LGR4: variants seen among roughly 807,000 people sequenced by gnomAD.
LGR4 encodes leucine-rich repeat-containing G protein-coupled receptor 4.
A neutral mutation model predicts 84.8 loss-of-function variants in LGR4; 44 were observed. The ratio of observed to expected loss-of-function variants is 0.52; its 90% confidence interval spans 0.41 to 0.67. The LOEUF is 0.67. Ranked by LOEUF, LGR4 falls within the 30% of genes least tolerant of loss-of-function variation. The pLI, the probability that LGR4 is intolerant of heterozygous loss-of-function variation, is 0.00. For synonymous variants in LGR4, 429 were observed against 434.3 expected, an observed-to-expected ratio of 0.99 and a Z score of 0.15; for missense variants, 1,032 against 1,131.4, an observed-to-expected ratio of 0.91 and a Z score of 1.26.
At chr11:27,380,395 TTTTA>T in intron 9 of LGR4, 56 bp from the exon 10 acceptor site, 1 of 1,269,278 alleles carries the variant, frequency 7.9e-7, no homozygotes, top group East Asian at 2.3e-5. Context: ...ATATTTTATG[TTTTA>T]AACAGTTTAA....
At chr11:27,381,469 C>T (rs991590062) in intron 7 of LGR4, among the ~76,000 whole-genome samples, 4 of 152,102 alleles carry the variant, frequency 2.6e-5, no homozygotes, top group African/African-American at 9.7e-5. Context: ...ATCACTTGAG[C>T]CCAGGAGTTT....
chr11:27,402,740 C>T (rs867436118), intron 2 of LGR4, among the ~76,000 whole-genome samples: 5 of 152,252 alleles, frequency 3.3e-5, no homozygotes, highest in South Asian at 2.1e-4. Flanking sequence ...AAGCATTGTG[C>T]GGTATGCTCA....
rs1422036096 is a variant in LGR4, at chr11:27,368,788, T to C, written c.1935A>G (p.Leu645=). 1.2e-6 allele frequency: 2 copies of C among 1,614,052 alleles called. No homozygotes were observed. The highest frequency in any genetic ancestry group is 1.3e-5 in the African/African-American group (1 of 74,942). Residue 645 remains leucine, a synonymous_variant, in exon 18 of 18, where the codon TTA becomes TTG. Coordinates refer to ENST00000379214, the MANE Select transcript of LGR4 (RefSeq NM_018490.5). ...LLMLATVERS[L]SAKDIMKNGK... ...CATTTTTCATTATATCTTTTGCAGA[T>C]AAGCTTCTTTCGACAGTTGCTAGCA... is the stretch of plus-strand genomic sequence containing the variant.
intron 1 of LGR4, among the ~76,000 whole-genome samples, chr11:27,420,930 A>C (rs547971064): frequency 3.9e-5 from 6 of 152,202 alleles, no homozygotes; most frequent in Non-Finnish European, 7.3e-5. Flanking sequence ...GAATTTGATC[A>C]TTATAGGCAG....
rs960134877 is a variant in LGR4 at position 27,382,384 on chromosome 11, A to C, written c.690-128T>G. ...ATGGTAATCTTTCTTTATCAACCAT[A>C]TCGTCATTCAAAACCATGTAGGAGT... On this transcript the variant is annotated intron_variant, in intron 6 of 17. Coordinates refer to ENST00000379214, the MANE Select transcript of LGR4 (RefSeq NM_018490.5). The C allele has an allele frequency of 1.1e-5, 7 of 622,324 alleles. No individual in the cohort carries two copies. In the Admixed American group the frequency reaches 1.8e-4, roughly 16 times the overall value. 38.6% of individuals were successfully genotyped at this position (622,324 alleles called of 1,614,324 possible).
At chr11:27,395,201 A>G (rs1824990430) in intron 2 of LGR4, among the ~76,000 whole-genome samples, 1 of 152,106 alleles carries the variant, frequency 6.6e-6, no homozygotes, top group African/African-American at 2.4e-5. Context: ...TGCTCTTCCA[A>G]GTGTTAAAAA....
At chr11:27,442,906 C>T (rs376559295) in intron 1 of LGR4, among the ~76,000 whole-genome samples, 17 of 152,158 alleles carry the variant, frequency 1.1e-4, no homozygotes, top group Admixed American at 3.9e-4. Flanking sequence ...GAGCTGTTCA[C>T]AGCAAAAGAG....
intron 4 of LGR4, 120 bp downstream of exon 4, chr11:27,390,974 A>T (rs778452779): frequency 1.1e-5 from 7 of 623,728 alleles, no homozygotes; most frequent in Non-Finnish European, 1.9e-5. Flanking sequence ...TTGACTAGCT[A>T]TCTCTGTTTT....
rs35947785 is a variant in LGR4 at position 27,368,941 on chromosome 11, T to C, written c.1782A>G (p.Leu594=). 8,481 of 1,614,054 alleles carry C rather than the reference T, an allele frequency of 5.3e-3. 380 individuals are homozygous for C. The African/African-American group carries it at 0.1, about 19-fold the overall frequency. ...CCCAGGACACAGCATCAAGAAAAGT[T>C]AGGATGCCAGTATAGATTCCCATGA... ...NLFMGIYTGI[L]TFLDAVSWGR... The change falls in exon 18 of 18, where the codon CTA becomes CTG. Residue 594 remains leucine, a synonymous_variant. Coordinates refer to ENST00000379214, the MANE Select transcript of LGR4 (RefSeq NM_018490.5).
At chr11:27,455,949 G>T (rs745323472) in intron 1 of LGR4, among the ~76,000 whole-genome samples, 1 of 152,106 alleles carries the variant, frequency 6.6e-6, no homozygotes, top group Non-Finnish European at 1.5e-5. Context: ...CACGTGTTAC[G>T]CACTTCATTT....
At chr11:27,434,514 C>A (rs922792374) in intron 1 of LGR4, among the ~76,000 whole-genome samples, 1 of 152,146 alleles carries the variant, frequency 6.6e-6, no homozygotes, top group African/African-American at 2.4e-5. Flanking sequence ...GTCCACTACA[C>A]TGAACTGGGA....
intron 5 of LGR4, 67 bp downstream of exon 5, chr11:27,385,186 C>T (rs1425951444): frequency 4.3e-6 from 5 of 1,153,226 alleles, no homozygotes; most frequent in African/African-American, 1.6e-5. Context: ...AATAATCTGT[C>T]AGAAGAAATC....
Position 27,385,451 on chromosome 11 carries a change from T to C in LGR4, c.419A>G (p.His140Arg). 3 of 1,604,832 alleles carry C rather than the reference T, an allele frequency of 1.9e-6. No homozygotes were observed. The highest frequency in any genetic ancestry group is 1.1e-5 in the South Asian group (1 of 88,820). Residue 140 changes from histidine (H) to arginine (R), a missense_variant, in exon 5 of 18, where the codon CAT (histidine) becomes CGT (arginine). His to Arg is a conservative substitution (Grantham distance 29). Transcript: ENST00000379214. ...ALQSLRLDAN[H>R]ITSVPEDSFE... ...ACTGTCCTCGGGGACTGAGGTAATA[T>C]GGTTGGCATCTAAACGCCTAACAGA...
chr11:27,430,988 A>G (rs1486498025), intron 1 of LGR4, among the ~76,000 whole-genome samples: 2 of 147,772 alleles, frequency 1.4e-5, no homozygotes, highest in East Asian at 2.0e-4. Context: ...AGCTCTTCCC[A>G]TAGCACCTCC....
At chr11:27,472,005 C>A (rs934826651) in intron 1 of LGR4, 113 bp downstream of exon 1, 1 of 744,000 alleles carries the variant, frequency 1.3e-6, no homozygotes, top group Admixed American at 4.6e-5. Context: ...TCCCCAGGCC[C>A]GGGCGGCGGC....
chr11:27,391,204 G>C, intron 3 of LGR4, 39 bp from the exon 4 acceptor site: 1 of 955,142 alleles, frequency 1.0e-6, no homozygotes, highest in Non-Finnish European at 1.6e-6. Flanking sequence ...ACAAGTGATA[G>C]TTACCATTTT....
intron 1 of LGR4, among the ~76,000 whole-genome samples, chr11:27,421,511 G>C (rs1209136918): frequency 1.3e-5 from 2 of 152,184 alleles, no homozygotes; most frequent in African/African-American, 4.8e-5. Context: ...AGACATTTAA[G>C]GGTGTGTTCT....
Position 27,472,709 on chromosome 11 carries a change from A to C in LGR4, c.-407T>G, listed in dbSNP as rs1407365029. 3 of 362,106 alleles carry C rather than the reference A, an allele frequency of 8.3e-6. No individual in the cohort carries two copies. The highest frequency in any genetic ancestry group is 6.4e-5 in the African/African-American group (3 of 47,058). 22.4% of individuals were successfully genotyped at this position (362,106 alleles called of 1,614,324 possible). On this transcript the variant is annotated 5_prime_UTR_variant, in exon 1 of 18. Coordinates refer to ENST00000379214, the MANE Select transcript of LGR4 (RefSeq NM_018490.5). ...CCAGCCCCCGCCGTGGCTCTCGCACAAACACCCAGACTCTGGCTCGCTGTC... is the reference window on the plus strand; with the variant it reads ...CCAGCCCCCGCCGTGGCTCTCGCACCAACACCCAGACTCTGGCTCGCTGTC...
chr11:27,367,720 T>G lies in LGR4; in HGVS notation c.*147A>C, dbSNP rs1308715867. On this transcript the variant is annotated 3_prime_UTR_variant, in exon 18 of 18. Transcript: ENST00000379214. ...GCACCTGTTCTTTGAAAATGACTGG[T>G]TTGAGAAATAAACTGCCACCTCTCC... 3.4e-6 allele frequency: 2 copies of G among 585,860 alleles called. No individual in the cohort carries two copies. The highest frequency in any genetic ancestry group is 5.9e-6 in the Non-Finnish European group (2 of 341,236). The allele number at this position is 585,860 out of a possible 1,614,324, so 36.3% of individuals were successfully genotyped here. A position where few individuals can be genotyped will look rare whatever the true frequency, so the allele number is the denominator to read the frequency against.
Sources: gnomAD v4.1 joint callset for allele counts (sites outside exome capture counted in the v4.1 genomes callset) on GRCh38, gnomAD v4.1.1 for gene constraint, MANE v1.5 for transcripts, NCBI Gene and HGNC (gene_info 2026-07-23, HGNC 2026-07-21) for gene names.